ANXA8: variants seen among roughly 807,000 people sequenced by gnomAD.
The protein encoded by ANXA8 is annexin A8.
In ANXA8, 9 loss-of-function variants were observed where a neutral mutation model predicts 26.8. The ratio of observed to expected loss-of-function variants is 0.34; its 90% CI spans 0.20 to 0.59. ANXA8 has a LOEUF of 0.59. Ranked by LOEUF, ANXA8 falls within the 20% of genes least tolerant of loss-of-function variation. The pLI is 0.84. For synonymous variants in ANXA8, 39 were observed against 94.8 expected, an observed-to-expected ratio of 0.41 and a Z score of 3.42; for missense variants, 83 against 238.5, an observed-to-expected ratio of 0.35 and a Z score of 4.29.
chr10:47,488,719 T>TTC (rs1840090332), upstream of ANXA8, among the ~76,000 whole-genome samples: 1 of 109,760 alleles, frequency 9.1e-6, no homozygotes, highest in African/African-American at 3.9e-5. Context: ...TTAAATTTTT[T>TTC]TTTTTTTTTT....
At chr10:47,497,616 T>A in the ANXA8 span, among the ~76,000 whole-genome samples, 1 of 114,156 alleles carries the variant, frequency 8.8e-6, no homozygotes, top group Admixed American at 9.5e-5. Context: ...CAAACCTCCA[T>A]CTCAAAAAAA....
At chr10:47,668,152 A>G in the ANXA8 span, among the ~76,000 whole-genome samples, 1 of 150,268 alleles carries the variant, frequency 6.7e-6, no homozygotes, top group Non-Finnish European at 1.5e-5. Flanking sequence ...CCCATTGCAT[A>G]GATGCTGAAT....
At chr10:47,730,950 G>A in the ANXA8 span, among the ~76,000 whole-genome samples, 2 of 149,068 alleles carry the variant, frequency 1.3e-5, no homozygotes, top group South Asian at 2.2e-4. Context: ...AGTATTGAAA[G>A]TGAAGGAAAT....
At chr10:47,691,002 A>G in the ANXA8 span, 2 of 1,611,298 alleles carry the variant, frequency 1.2e-6, no homozygotes, top group Non-Finnish European at 8.5e-7. Context: ...TCATTAATAA[A>G]AAACTGTGAT....
chr10:47,555,340 A>T, the ANXA8 span, among the ~76,000 whole-genome samples: 3 of 151,000 alleles, frequency 2.0e-5, no homozygotes, highest in Non-Finnish European at 4.4e-5. Flanking sequence ...GGTTCCTCTG[A>T]TGAGGTGCAG....
At chr10:47,711,596 G>A in the ANXA8 span, among the ~76,000 whole-genome samples, 1 of 147,952 alleles carries the variant, frequency 6.8e-6, no homozygotes, top group East Asian at 1.9e-4. Context: ...AGGGACAGAT[G>A]TTTGGTTGAG....
the ANXA8 span, among the ~76,000 whole-genome samples, chr10:47,655,686 T>G: frequency 2.6e-4 from 40 of 152,044 alleles, 1 homozygote; most frequent in African/African-American, 9.7e-4. Context: ...GAGACAACGT[T>G]CCCAAGTCTT....
the ANXA8 span, among the ~76,000 whole-genome samples, chr10:47,979,254 G>C: frequency 7.9e-5 from 12 of 151,644 alleles, 2 homozygotes; most frequent in Non-Finnish European, 1.8e-4. Context: ...ACAATGGATA[G>C]AACAACTAGG....
chr10:47,603,298 ATAT>A, the ANXA8 span, among the ~76,000 whole-genome samples: 45 of 149,338 alleles, frequency 3.0e-4, 3 homozygotes, highest in Non-Finnish European at 4.3e-4. Context: ...TATTACCAAC[ATAT>A]TATAGAAAGA....
the ANXA8 span, among the ~76,000 whole-genome samples, chr10:47,745,455 A>G: frequency 1.6e-4 from 24 of 147,332 alleles, no homozygotes; most frequent in African/African-American, 6.0e-4. Flanking sequence ...GGTTTAAAAA[A>G]TCATCGTTTT....
At chr10:47,943,484 C>T in the ANXA8 span, among the ~76,000 whole-genome samples, 8 of 146,250 alleles carry the variant, frequency 5.5e-5, no homozygotes, top group Non-Finnish European at 1.0e-4. Context: ...CTGGGCCCTG[C>T]CAGACCCTTG....
At chr10:47,907,175 G>T in the ANXA8 span, among the ~76,000 whole-genome samples, 1 of 151,634 alleles carries the variant, frequency 6.6e-6, no homozygotes, top group Non-Finnish European at 1.5e-5. Context: ...CTAACACGGT[G>T]AAACCCCGTC....
the ANXA8 span, among the ~76,000 whole-genome samples, chr10:47,666,985 A>G: frequency 2.0e-5 from 3 of 152,002 alleles, no homozygotes; most frequent in Non-Finnish European, 4.4e-5. Flanking sequence ...CAGTTGTCCA[A>G]ATTTCCCATT....
Position 47,474,984 on chromosome 10 carries a change from G to A in ANXA8, c.513C>T (p.Ser171=). 1 of 1,530,864 alleles carries A rather than the reference G, an allele frequency of 6.5e-7. No individual in the cohort carries two copies. Among genetic ancestry groups the A allele is most frequent in the Middle Eastern group, 1.9e-4 (1 of 5,360 alleles). The allele number at this position is 1,530,864 out of a possible 1,614,324, so 94.8% of individuals were successfully genotyped here. Residue 171 remains serine, a synonymous_variant, in exon 7 of 12, where the codon AGC becomes AGT. Coordinates refer to ENST00000585281, the MANE Select transcript of ANXA8 (RefSeq NM_001040084.3). ...GGGCCAGTCCTGGGTCCACAAAGCT[G>A]CTCACATCATCCCTGCTGCCCTAGG... ...CLLQGSRDDV[S]SFVDPGLALQ...
chr10:47,548,966 G>C, the ANXA8 span, among the ~76,000 whole-genome samples: 1 of 152,284 alleles, frequency 6.6e-6, no homozygotes, highest in Non-Finnish European at 1.5e-5. Context: ...AAGGATCCAA[G>C]AAGAAATGGT....
At chr10:47,647,181 T>C in the ANXA8 span, among the ~76,000 whole-genome samples, 2 of 152,254 alleles carry the variant, frequency 1.3e-5, no homozygotes, top group African/African-American at 4.8e-5. Context: ...ATATAAAAGT[T>C]ACAATCCTTA....
At chr10:47,664,493 G>A in the ANXA8 span, among the ~76,000 whole-genome samples, 34 of 151,452 alleles carry the variant, frequency 2.2e-4, no homozygotes, top group South Asian at 3.3e-3. Flanking sequence ...GCTTGAACTC[G>A]GGAGGCGGAG....
the ANXA8 span, among the ~76,000 whole-genome samples, chr10:47,595,318 C>T: frequency 6.8e-6 from 1 of 146,170 alleles, no homozygotes; most frequent in Non-Finnish European, 1.5e-5. Flanking sequence ...CAGTTAAGTA[C>T]ATAGTCCACA....
chr10:47,777,857 A>C, the ANXA8 span, among the ~76,000 whole-genome samples: 150,733 of 151,582 alleles, frequency 0.99, 74,955 homozygotes, highest in East Asian at 1. Context: ...GGGGCTCAGG[A>C]AATCCTCCCA....
Sources: gnomAD v4.1 joint callset for allele counts (sites outside exome capture counted in the v4.1 genomes callset) on GRCh38, gnomAD v4.1.1 for gene constraint, MANE v1.5 for transcripts, NCBI Gene and HGNC (gene_info 2026-07-23, HGNC 2026-07-21) for gene names.